ROBO2: variants seen among roughly 807,000 people sequenced by gnomAD.
ROBO2 encodes roundabout guidance receptor 2, also known as roundabout homolog 2.
ROBO2 carries 53 observed loss-of-function variants against 160.8 expected under a neutral mutation model. The observed-to-expected ratio is 0.33, with a 90% CI of 0.26 to 0.41. The LOEUF is 0.41. Ranked by LOEUF, ROBO2 falls within the 10% of genes least tolerant of loss-of-function variation. ROBO2 has a pLI of 1.00. For synonymous variants in ROBO2, 664 were observed against 611.7 expected, an observed-to-expected ratio of 1.09 and a Z score of -1.26; for missense variants, 1,577 against 1,722.4, an observed-to-expected ratio of 0.92 and a Z score of 1.49.
intron 2 of ROBO2, among the ~76,000 whole-genome samples, chr3:77,290,737 T>G: frequency 1.5e-5 from 1 of 66,838 alleles, no homozygotes; most frequent in Non-Finnish European, 2.9e-5. Context: ...AACGGGAAGT[T>G]GAGGCTAGAA....
chr3:77,300,846 CTATTTATT>C (rs3070173), intron 2 of ROBO2, among the ~76,000 whole-genome samples: 8,355 of 146,278 alleles, frequency 0.057, 551 homozygotes, highest in African/African-American at 0.16. Flanking sequence ...AAATAATAGA[CTATTTATT>C]TATTTATTTA....
intron 2 of ROBO2, among the ~76,000 whole-genome samples, chr3:76,878,064 A>G (rs2072947226): frequency 6.6e-6 from 1 of 152,194 alleles, no homozygotes; most frequent in Non-Finnish European, 1.5e-5. Flanking sequence ...ATGCAGTGGC[A>G]TTAGGGATTA....
At chr3:76,640,262 G>A (rs980938504) in intron 2 of ROBO2, among the ~76,000 whole-genome samples, 1 of 152,180 alleles carries the variant, frequency 6.6e-6, no homozygotes, top group African/African-American at 2.4e-5. Flanking sequence ...CGGGCGCGGT[G>A]GCTCACGCCT....
At chr3:76,945,753 T>C (rs1489954382) in intron 2 of ROBO2, among the ~76,000 whole-genome samples, 2 of 152,250 alleles carry the variant, frequency 1.3e-5, no homozygotes, top group Non-Finnish European at 2.9e-5. Flanking sequence ...TGAGACATTT[T>C]ACCTCTGCAA....
At chr3:77,371,289 T>C (rs776691987) in intron 2 of ROBO2, among the ~76,000 whole-genome samples, 2 of 152,216 alleles carry the variant, frequency 1.3e-5, no homozygotes, top group Non-Finnish European at 2.9e-5. Context: ...TCAATTAGTA[T>C]GTCTCCTCTA....
chr3:77,205,984 C>T (rs982652046), intron 2 of ROBO2, among the ~76,000 whole-genome samples: 1 of 152,072 alleles, frequency 6.6e-6, no homozygotes, highest in East Asian at 1.9e-4. Flanking sequence ...AATCAAGGGA[C>T]ACACTCCCTC....
intron 25 of ROBO2, among the ~76,000 whole-genome samples, chr3:77,645,795 C>CT (rs1008299582): frequency 7.0e-4 from 107 of 151,878 alleles, no homozygotes; most frequent in African/African-American, 2.5e-3. Flanking sequence ...TTTTCTTTAA[C>CT]TTTTTTTTGA....
chr3:77,210,173 T>C (rs1315605514), intron 2 of ROBO2, among the ~76,000 whole-genome samples: 1 of 151,980 alleles, frequency 6.6e-6, no homozygotes, highest in Non-Finnish European at 1.5e-5. Flanking sequence ...TTTTCCTTCT[T>C]CATTGTGGAA....
intron 2 of ROBO2, among the ~76,000 whole-genome samples, chr3:77,241,075 A>G (rs1367437489): frequency 7.4e-6 from 1 of 136,018 alleles, no homozygotes; most frequent in African/African-American, 2.6e-5. Flanking sequence ...TTTCTTGATA[A>G]ACAGTTTTGA....
intron 2 of ROBO2, among the ~76,000 whole-genome samples, chr3:77,006,212 G>A (rs1199431485): frequency 6.6e-6 from 1 of 151,394 alleles, no homozygotes; most frequent in East Asian, 1.9e-4. Context: ...TATCCAACCA[G>A]GACCATATAT....
chr3:76,166,286 T>G, intron 2 of ROBO2, among the ~76,000 whole-genome samples: 1 of 152,250 alleles, frequency 6.6e-6, no homozygotes, highest in Non-Finnish European at 1.5e-5. Context: ...TGTGAATTTT[T>G]TAAAGAGTCC....
intron 2 of ROBO2, among the ~76,000 whole-genome samples, chr3:77,124,025 G>A (rs2150295888): frequency 7.2e-6 from 1 of 138,682 alleles, no homozygotes; most frequent in South Asian, 2.3e-4. Flanking sequence ...ACAATGGTGT[G>A]TAAAACATAC....
At chr3:76,643,384 C>A (rs1410630268) in intron 2 of ROBO2, among the ~76,000 whole-genome samples, 1 of 152,082 alleles carries the variant, frequency 6.6e-6, no homozygotes, top group Non-Finnish European at 1.5e-5. Context: ...AGAAGAATAT[C>A]TCTGAGATTA....
At chr3:77,590,047 G>C (rs2094144338) in intron 17 of ROBO2, among the ~76,000 whole-genome samples, 1 of 152,222 alleles carries the variant, frequency 6.6e-6, no homozygotes, top group South Asian at 2.1e-4. Flanking sequence ...TGTGGAAATA[G>C]TGCAAAATGC....
intron 2 of ROBO2, among the ~76,000 whole-genome samples, chr3:77,390,852 G>A (rs2074650613): frequency 6.6e-6 from 1 of 152,062 alleles, no homozygotes; most frequent in African/African-American, 2.4e-5. Context: ...TTGCCCTGCT[G>A]AGTTCCCAAC....
chr3:77,584,416 ATCT>A (rs1048930226), intron 16 of ROBO2, among the ~76,000 whole-genome samples: 4 of 152,172 alleles, frequency 2.6e-5, no homozygotes, highest in African/African-American at 9.7e-5. Context: ...CAAATAAGAA[ATCT>A]TCTTCCTAGA....
chr3:76,143,772 A>G (rs912697687), intron 2 of ROBO2, among the ~76,000 whole-genome samples: 6 of 152,158 alleles, frequency 3.9e-5, no homozygotes, highest in African/African-American at 1.4e-4. Context: ...TCACACAGTT[A>G]CTGAGGCTAA....
At chr3:77,276,515 G>A (rs2059838395) in intron 2 of ROBO2, among the ~76,000 whole-genome samples, 1 of 152,134 alleles carries the variant, frequency 6.6e-6, no homozygotes, top group African/African-American at 2.4e-5. Flanking sequence ...ACTCTAGTCA[G>A]GTAGGACACA....
At chr3:76,943,145 C>G (rs2078301065) in intron 2 of ROBO2, among the ~76,000 whole-genome samples, 1 of 152,114 alleles carries the variant, frequency 6.6e-6, no homozygotes, top group Non-Finnish European at 1.5e-5. Flanking sequence ...CTCAAATTAA[C>G]TTTTCCATTT....
Sources: gnomAD v4.1 joint callset for allele counts (sites outside exome capture counted in the v4.1 genomes callset) on GRCh38, gnomAD v4.1.1 for gene constraint, MANE v1.5 for transcripts, NCBI Gene and HGNC (gene_info 2026-07-23, HGNC 2026-07-21) for gene names.